CTU2: variants seen among roughly 807,000 people sequenced by gnomAD.
CTU2 encodes the protein cytoplasmic tRNA 2-thiolation protein 2.
Under a neutral mutation model 64.1 loss-of-function variants are expected in CTU2, and 80 were observed. The ratio of observed to expected loss-of-function variants is 1.25; its 90% CI spans 1.04 to 1.50. CTU2 has a LOEUF of 1.50. Among genes scored for constraint, CTU2 ranks in the 40% most tolerant of loss-of-function variants. CTU2 has a pLI of 0.00. For synonymous variants in CTU2, 482 were observed against 285.3 expected, an observed-to-expected ratio of 1.69 and a Z score of -6.95; for missense variants, 1,110 against 690.2, an observed-to-expected ratio of 1.61 and a Z score of -6.81.
intron 4 of CTU2, 95 bp downstream of exon 4, chr16:88,710,377 C>T (rs984874799): frequency 5.9e-6 from 8 of 1,348,308 alleles, no homozygotes; most frequent in Non-Finnish European, 8.4e-6. Context: ...TTGGTTGGGG[C>T]TAGAGAGCAG....
intron 9 of CTU2, 57 bp downstream of exon 9, chr16:88,713,835 G>A: frequency 6.2e-7 from 1 of 1,603,980 alleles, no homozygotes; most frequent in East Asian, 2.2e-5. Context: ...TGGGCCATGT[G>A]GGCTGGGCAG....
Position 88,711,707 on chromosome 16 carries a change from C to G in CTU2, c.343+12C>G. On this transcript the variant is annotated intron_variant, in intron 5 of 14. Coordinates refer to ENST00000453996, the MANE Select transcript of CTU2 (RefSeq NM_001012759.3). Reference sequence around the variant, plus strand: ...CATCTTTGTTGACGGTATGTGGGGCCATTGCTCCTCCTAGTCCCTGGCCAC... The same window carrying G: ...CATCTTTGTTGACGGTATGTGGGGCGATTGCTCCTCCTAGTCCCTGGCCAC... 2 of 1,606,672 alleles carry G rather than the reference C, an allele frequency of 1.2e-6. No individual in the cohort carries two copies.
chr16:88,714,079 C>T (rs1911632983), intron 9 of CTU2, 57 bp from the exon 10 acceptor site: 2 of 1,546,978 alleles, frequency 1.3e-6, no homozygotes, highest in Non-Finnish European at 8.9e-7. Context: ...GGGACTCTGC[C>T]CCAGCCTGGG....
At chr16:88,712,102 G>T (rs72811472) in intron 5 of CTU2, 172 bp from the exon 6 acceptor site, 2 of 720,004 alleles carry the variant, frequency 2.8e-6, no homozygotes, top group Admixed American at 2.0e-5. Flanking sequence ...GAGGTCAGCC[G>T]CAAGAGAGAA....
At position 88,710,207 on chromosome 16, in the gene CTU2, G is replaced by A. The variant is rs1285852890; in HGVS notation, c.223-16G>A. On this transcript the variant is annotated splice_polypyrimidine_tract_variant and intron_variant, in intron 3 of 14. Coordinates refer to ENST00000453996, the MANE Select transcript of CTU2 (RefSeq NM_001012759.3). ...TTGGAGGTGCGGTGCCCTGAGTGAT[G>A]TTTTTTCTCCCCCAGGTGCTCTTGG... 2 of 1,613,890 alleles carry A rather than the reference G, an allele frequency of 1.2e-6. No homozygotes were observed. Among genetic ancestry groups the A allele is most frequent in the East Asian group, 4.5e-5 (2 of 44,886 alleles).
chr16:88,706,622 C>T lies in CTU2; in HGVS notation c.68+24C>T, dbSNP rs565593852. On this transcript the variant is annotated intron_variant, in intron 1 of 14. Transcript: ENST00000453996. ...AGGTAAGAGCTGGCGGCCGGACCCG[C>T]CAGGCCGCCCCTCGCCTTCCCGCCG... 4.3e-5 allele frequency: 59 copies of T among 1,377,124 alleles called. No individual in the cohort carries two copies. The South Asian group carries it at 8.7e-4, about 20-fold the overall frequency. The allele number at this position is 1,377,124 out of a possible 1,614,324, so 85.3% of individuals were successfully genotyped here.
At chr16:88,711,196 G>C (rs1911291922) in intron 4 of CTU2, among the ~76,000 whole-genome samples, 1 of 152,312 alleles carries the variant, frequency 6.6e-6, no homozygotes, top group East Asian at 1.9e-4. Flanking sequence ...AACTGGCCCA[G>C]CCCTCTGTGT....
At chr16:88,706,849 G>C (rs1165200230) in intron 1 of CTU2, 3 of 554,946 alleles carry the variant, frequency 5.4e-6, no homozygotes, top group Non-Finnish European at 6.4e-6. Context: ...CTTATTCGGA[G>C]AGAACTGGTG....
chr16:88,712,426 T>C (rs1911404828), intron 6 of CTU2, 43 bp downstream of exon 6: 9 of 1,497,924 alleles, frequency 6.0e-6, no homozygotes, highest in African/African-American at 1.4e-5. Context: ...AGGTGACCCC[T>C]GGGGGGCACC....
chr16:88,714,816 A>C (rs1911782766), intron 12 of CTU2, 44 bp from the exon 13 acceptor site: 1 of 1,611,788 alleles, frequency 6.2e-7, no homozygotes, highest in Non-Finnish European at 8.5e-7. Flanking sequence ...ACTGCACGGC[A>C]TTGAGGTGCC....
intron 2 of CTU2, 154 bp from the exon 3 acceptor site, chr16:88,709,784 G>A (rs1025421565): frequency 4.4e-5 from 31 of 704,234 alleles, no homozygotes; most frequent in East Asian, 1.0e-4. Flanking sequence ...GGCCAACCCC[G>A]CCCCTTTCAC....
intron 2 of CTU2, 125 bp downstream of exon 2, chr16:88,707,335 TGG>T: frequency 1.1e-6 from 1 of 914,786 alleles, no homozygotes. Context: ...CTGCTCCTGA[TGG>T]GGTCCCTCGT....
intron 2 of CTU2, among the ~76,000 whole-genome samples, chr16:88,707,898 C>T (rs1487229579): frequency 1.3e-5 from 2 of 151,944 alleles, no homozygotes; most frequent in South Asian, 2.1e-4. Flanking sequence ...GCAACCTTTA[C>T]CTCCTGGGTT....
At chr16:88,710,167 G>A (rs925587613) in intron 3 of CTU2, 56 bp from the exon 4 acceptor site, 2 of 1,601,470 alleles carry the variant, frequency 1.2e-6, no homozygotes, top group East Asian at 4.5e-5. Context: ...CCACGAGGTG[G>A]GGTGTCTGCC....
At chr16:88,707,328 C>T (rs968253851) in intron 2 of CTU2, 118 bp downstream of exon 2, 2 of 958,816 alleles carry the variant, frequency 2.1e-6, no homozygotes, top group African/African-American at 1.6e-5. Context: ...TTTATTCCTG[C>T]TCCTGATGGG....
At chr16:88,710,390 C>A in intron 4 of CTU2, 108 bp downstream of exon 4, 1 of 1,158,486 alleles carries the variant, frequency 8.6e-7, no homozygotes, top group Non-Finnish European at 1.3e-6. Context: ...GAGAGCAGTC[C>A]ACCCTGCGGC....
intron 2 of CTU2, chr16:88,709,592 G>A (rs1381808989): frequency 3.4e-6 from 1 of 295,982 alleles, no homozygotes; most frequent in East Asian, 7.8e-5. Flanking sequence ...GGTTGGCCTT[G>A]CCCTGTACGT....
chr16:88,710,354 T>G, intron 4 of CTU2, 72 bp downstream of exon 4: 3 of 1,515,214 alleles, frequency 2.0e-6, no homozygotes, highest in Non-Finnish European at 2.7e-6. Context: ...CTTCTCAGCC[T>G]GCTGAGGGGC....
At chr16:88,715,138 G>T (rs754829758) in intron 14 of CTU2, 32 bp downstream of exon 14, 84 of 1,607,564 alleles carry the variant, frequency 5.2e-5, no homozygotes, top group Non-Finnish European at 7.0e-5. Context: ...TGGCGCGTGG[G>T]TAAGGGGCCT....
Sources: allele counts gnomAD v4.1 joint callset (sites outside exome capture counted in the v4.1 genomes callset), GRCh38; gene constraint gnomAD v4.1.1; transcripts MANE v1.5; gene names NCBI Gene and HGNC (gene_info 2026-07-23, HGNC 2026-07-21).